GSE1: variants seen among roughly 807,000 people sequenced by gnomAD.
The protein encoded by GSE1 is genetic suppressor element 1.
Under a neutral mutation model 112.6 loss-of-function variants are expected in GSE1, and 32 were observed. That is an observed-to-expected ratio of 0.28 (90% CI 0.21 to 0.38). The LOEUF is 0.38. Among genes scored for constraint, GSE1 ranks in the 10% least tolerant of loss-of-function variants. The probability of loss-of-function intolerance (pLI) is 1.00; values close to 1 mark genes in which losing one functional copy is unlikely to be tolerated. For missense variants in GSE1, 2,348 were observed against 1,699.2 expected (o/e 1.38, Z -6.71); for synonymous variants, 1,115 against 735.6 (o/e 1.52, Z -8.35).
chr16:85,331,651 A>T (rs2046367677), intron 1 of GSE1, among the ~76,000 whole-genome samples: 1 of 128,136 alleles, frequency 7.8e-6, no homozygotes, highest in Non-Finnish European at 1.6e-5. Context: ...GTGTATATAT[A>T]TATGTGTATA....
At position 85,273,728 on chromosome 16, in the gene GSE1, C is replaced by T. The variant is rs1020150948; in HGVS notation, c.2284-83735C>T. 7.2e-5 allele frequency among the ~76,000 whole-genome samples: 11 copies of T among 151,976 alleles called. 1 individual carries two copies. The highest frequency in any genetic ancestry group is 6.8e-3 in the Middle Eastern group (2 of 294). On this transcript the variant is annotated intron_variant, in intron 1 of 2. Transcript: ENST00000637419. The stretch of plus-strand genomic sequence containing the variant: ...TTTTGAGATGGAGTTTAGCCCTTGT[C>T]GCCCAGTCTGGAGTGCAGTGGTGCG...
chr16:85,199,139 T>G (rs1224984754), intron 1 of GSE1, among the ~76,000 whole-genome samples: 1 of 152,090 alleles, frequency 6.6e-6, no homozygotes, highest in Non-Finnish European at 1.5e-5. Context: ...TTTGTTTTAG[T>G]AGAGACAGGG....
chr16:85,213,368 G>A (rs1394245515), intron 1 of GSE1, among the ~76,000 whole-genome samples: 1 of 152,088 alleles, frequency 6.6e-6, no homozygotes, highest in African/African-American at 2.4e-5. Flanking sequence ...GAGGGGGATC[G>A]CTTGAGCTCG....
intron 1 of GSE1, among the ~76,000 whole-genome samples, chr16:85,307,988 C>T (rs1017640424): frequency 6.6e-6 from 1 of 152,150 alleles, no homozygotes; most frequent in East Asian, 1.9e-4. Context: ...GTTCTAGATC[C>T]TCAGGGGCGG....
At position 85,431,206 on chromosome 16, in the gene GSE1, G is replaced by C. The variant is rs184897058; in HGVS notation, c.2464+73563G>C. Among the ~76,000 whole-genome samples, 416 of 152,300 alleles carry C rather than the reference G, an allele frequency of 2.7e-3. 1 individual carries two copies. The highest frequency in any genetic ancestry group is 0.01 in the Middle Eastern group (3 of 294). On this transcript the variant is annotated intron_variant, in intron 2 of 2. Transcript: ENST00000637419. ...TAGGGCGGCAGGCAACGTGAGGGGC[G>C]CGCAGGAGCCAGAGACCCAAGGAGG... is the stretch of plus-strand genomic sequence containing the variant.
At chr16:85,331,707 A>ATTTT (rs566551746) in intron 1 of GSE1, among the ~76,000 whole-genome samples, 5 of 51,984 alleles carry the variant, frequency 9.6e-5, no homozygotes, top group South Asian at 5.9e-4. Flanking sequence ...ATATATATAT[A>ATTTT]TTTTTTTTTT....
intron 2 of GSE1, among the ~76,000 whole-genome samples, chr16:85,432,693 CTG>C (rs1277473141): frequency 6.6e-6 from 1 of 152,208 alleles, no homozygotes; most frequent in African/African-American, 2.4e-5. Flanking sequence ...TGAGGGACCA[CTG>C]TGTATCAGGT....
chr16:85,491,956 G>A (rs1451949008), intron 2 of GSE1, among the ~76,000 whole-genome samples: 2 of 151,980 alleles, frequency 1.3e-5, no homozygotes, highest in Non-Finnish European at 2.9e-5. Flanking sequence ...TCCCCGCCTG[G>A]TGCTCTGAGC....
At chr16:85,347,937 T>C (rs1472726010) in intron 1 of GSE1, among the ~76,000 whole-genome samples, 1 of 152,216 alleles carries the variant, frequency 6.6e-6, no homozygotes, top group Non-Finnish European at 1.5e-5. Flanking sequence ...AGGGACTTTC[T>C]TGTCTTCCAA....
At chr16:85,565,101 G>A (rs1462389000) in intron 1 of GSE1, among the ~76,000 whole-genome samples, 3 of 152,036 alleles carry the variant, frequency 2.0e-5, no homozygotes, top group East Asian at 1.9e-4. Context: ...TCTTAAAAGC[G>A]ACCAACTTGG....
intron 2 of GSE1, among the ~76,000 whole-genome samples, chr16:85,453,123 CA>C (rs2049731601): frequency 6.6e-6 from 1 of 152,176 alleles, no homozygotes; most frequent in Non-Finnish European, 1.5e-5. Context: ...AAAATGGGGG[CA>C]GGGGGTTAGC....
intron 1 of GSE1, among the ~76,000 whole-genome samples, chr16:85,600,143 G>A (rs577772402): frequency 4.6e-5 from 7 of 152,350 alleles, no homozygotes; most frequent in East Asian, 1.9e-4. Context: ...CTCCATCCAC[G>A]TGGCTTCTTT....
intron 8 of GSE1, chr16:85,659,697 A>G (rs1054718525): frequency 2.6e-5 from 4 of 152,248 alleles, no homozygotes; most frequent in African/African-American, 9.6e-5. Flanking sequence ...TGGAAAAACA[A>G]TACTAAAAAT....
At chr16:85,404,633 T>C (rs1433997168) in intron 2 of GSE1, among the ~76,000 whole-genome samples, 5 of 40,818 alleles carry the variant, frequency 1.2e-4, no homozygotes, top group Admixed American at 3.2e-4. Context: ...AGGGCCCCCC[T>C]GGATAATCCT....
intron 2 of GSE1, among the ~76,000 whole-genome samples, chr16:85,528,744 G>C (rs979150559): frequency 6.6e-6 from 1 of 152,100 alleles, no homozygotes; most frequent in African/African-American, 2.4e-5. Flanking sequence ...AGAAACCAAG[G>C]GTGGTGGGAT....
rs150879827 is a variant in GSE1 at position 85,654,404 on chromosome 16, C to T, written c.553C>T (p.Leu185Phe). 12 of 1,598,748 alleles carry T rather than the reference C, an allele frequency of 7.5e-6. No homozygotes were observed. The Admixed American group carries it at 1.9e-4, about 25-fold the overall frequency. Residue 185 changes from leucine to phenylalanine, a missense_variant, in exon 4 of 16, where the codon CTC becomes TTC. Physicochemically the swap from Leu to Phe is conservative, Grantham distance 22 (BLOSUM62 0). Coordinates refer to ENST00000253458, the MANE Select transcript of GSE1 (RefSeq NM_014615.5). Reference sequence around the variant, plus strand: ...GCTCAGCACCCCCTACCCCTTCGGCCTCTCCCCCAGCTCAGTTGTGCAGGA... The same window carrying T: ...GCTCAGCACCCCCTACCCCTTCGGCTTCTCCCCCAGCTCAGTTGTGCAGGA... ...HLLSTPYPFG[L>F]SPSSVVQDSR...
At chr16:85,636,781 C>G (rs1459401662) in intron 2 of GSE1, among the ~76,000 whole-genome samples, 2 of 152,202 alleles carry the variant, frequency 1.3e-5, no homozygotes, top group Non-Finnish European at 2.9e-5. Context: ...ACCCCTAGCA[C>G]CACTGCCAGT....
chr16:85,601,757 G>GGT (rs2047475371), intron 1 of GSE1, among the ~76,000 whole-genome samples: 2 of 152,156 alleles, frequency 1.3e-5, no homozygotes, highest in Non-Finnish European at 2.9e-5. Flanking sequence ...TGCAGCCGAC[G>GGT]TGAGCTAGGG....
intron 2 of GSE1, among the ~76,000 whole-genome samples, chr16:85,444,614 C>T (rs996673675): frequency 1.3e-5 from 2 of 152,106 alleles, no homozygotes; most frequent in South Asian, 2.1e-4. Context: ...GCAGGTGTCC[C>T]CAGGACCTCT....
Sources: allele counts gnomAD v4.1 joint callset (sites outside exome capture counted in the v4.1 genomes callset), GRCh38; gene constraint gnomAD v4.1.1; transcripts MANE v1.5; gene names NCBI Gene and HGNC (gene_info 2026-07-23, HGNC 2026-07-21).